MICAL3: variants seen among roughly 807,000 people sequenced by gnomAD.
The protein encoded by MICAL3 is microtubule associated monooxygenase, calponin and LIM domain containing 3.
A neutral mutation model predicts 207.4 loss-of-function variants in MICAL3; 62 were observed. The ratio of observed to expected loss-of-function variants is 0.30; its 90% confidence interval spans 0.24 to 0.37. The LOEUF is 0.37. Ranked by LOEUF, MICAL3 falls within the 10% of genes least tolerant of loss-of-function variation. The probability of loss-of-function intolerance (pLI) is 1.00; values close to 1 mark genes in which losing one functional copy is unlikely to be tolerated. For missense variants in MICAL3, 2,368 were observed against 2,635.6 expected, an observed-to-expected ratio of 0.90 and a Z score of 2.22; for synonymous variants, 1,077 against 1,069.3, an observed-to-expected ratio of 1.01 and a Z score of -0.14.
intron 1 of MICAL3, 57 bp downstream of exon 1, chr22:18,024,224 A>G (rs1326219604): frequency 2.6e-5 from 4 of 152,248 alleles, no homozygotes; most frequent in Non-Finnish European, 5.9e-5. Flanking sequence ...ATCCAGCAAA[A>G]CACATAACCT....
intron 20 of MICAL3, among the ~76,000 whole-genome samples, chr22:17,839,284 G>T (rs2146065871): frequency 1.1e-5 from 1 of 90,508 alleles, no homozygotes. Flanking sequence ...TTGAGACGAA[G>T]TCTCCCTCTG....
chr22:17,810,260 T>A (rs1026201478), intron 28 of MICAL3, among the ~76,000 whole-genome samples: 4 of 152,046 alleles, frequency 2.6e-5, no homozygotes, highest in Non-Finnish European at 5.9e-5. Context: ...GACGGGGGTT[T>A]CACCGTGTTA....
chr22:17,981,728 A>T (rs1195793166), intron 1 of MICAL3, among the ~76,000 whole-genome samples: 1 of 152,216 alleles, frequency 6.6e-6, no homozygotes, highest in Non-Finnish European at 1.5e-5. Flanking sequence ...GGCACAGGCG[A>T]TGCTAAGGTC....
chr22:17,863,112 C>T lies in MICAL3; in HGVS notation c.2605+1787G>A, dbSNP rs926907377. On this transcript the variant is annotated intron_variant, in intron 19 of 31. Coordinates refer to ENST00000441493, the MANE Select transcript of MICAL3 (RefSeq NM_015241.3). The stretch of plus-strand genomic sequence containing the variant: ...TGGAAAGCGTAATTCTTTAGAACTC[C>T]TAAAAACCTGAAACCCATTATACTT... The T allele has an allele frequency of 1.2e-5, 12 of 985,036 alleles. No individual in the cohort carries two copies. The East Asian group carries it at 1.2e-3, about 102-fold the overall frequency. 61.0% of individuals were successfully genotyped at this position (985,036 alleles called of 1,614,324 possible). A position where few individuals can be genotyped will look rare whatever the true frequency, so the allele number is the denominator to read the frequency against.
At chr22:17,896,035 G>A (rs1390676815) in intron 9 of MICAL3, among the ~76,000 whole-genome samples, 1 of 152,188 alleles carries the variant, frequency 6.6e-6, no homozygotes, top group Non-Finnish European at 1.5e-5. Context: ...ATCTTGGAAA[G>A]GAGTAAGAGA....
intron 19 of MICAL3, among the ~76,000 whole-genome samples, chr22:17,853,979 G>A (rs1448450210): frequency 6.6e-6 from 1 of 152,184 alleles, no homozygotes; most frequent in African/African-American, 2.4e-5. Flanking sequence ...GACAGGTCTG[G>A]AGGCCTGGGC....
chr22:17,821,818 G>C (rs1374408641), intron 24 of MICAL3, among the ~76,000 whole-genome samples: 2 of 152,224 alleles, frequency 1.3e-5, no homozygotes, highest in Non-Finnish European at 2.9e-5. Context: ...CCCAAACTAT[G>C]CAAGGAAAGG....
At chr22:17,981,174 T>C (rs954848337) in intron 1 of MICAL3, among the ~76,000 whole-genome samples, 1 of 152,108 alleles carries the variant, frequency 6.6e-6, no homozygotes, top group African/African-American at 2.4e-5. Flanking sequence ...AATAAATATA[T>C]ATCATAAAAT....
At chr22:17,891,423 TAGC>T in intron 12 of MICAL3, 59 bp downstream of exon 12, 5 of 1,481,106 alleles carry the variant, frequency 3.4e-6, no homozygotes, top group Admixed American at 1.7e-5. Flanking sequence ...TGTTACTTGA[TAGC>T]AGAGTGGTCT....
At chr22:17,970,109 T>C (rs1935332040) in intron 1 of MICAL3, among the ~76,000 whole-genome samples, 1 of 152,264 alleles carries the variant, frequency 6.6e-6, no homozygotes, top group African/African-American at 2.4e-5. Context: ...TGTGCCACTG[T>C]CCCCAGAGAA....
chr22:17,822,498 G>A (rs73876509), intron 23 of MICAL3, among the ~76,000 whole-genome samples: 5,796 of 152,254 alleles, frequency 0.038, 349 homozygotes, highest in African/African-American at 0.13. Context: ...CTGGCCTCAC[G>A]GGCCCACTTC....
At chr22:17,916,901 T>A (rs1932557165) in intron 1 of MICAL3, among the ~76,000 whole-genome samples, 1 of 152,230 alleles carries the variant, frequency 6.6e-6, no homozygotes, top group South Asian at 2.1e-4. Context: ...AGTTTCATAC[T>A]GTGATCTAGG....
At position 17,974,605 on chromosome 22, in the gene MICAL3, T is replaced by G. The variant is rs1404117055; in HGVS notation, c.-75+49676A>C. On this transcript the variant is annotated intron_variant, in intron 1 of 31. Coordinates refer to ENST00000441493, the MANE Select transcript of MICAL3 (RefSeq NM_015241.3). ...TGGGCATGGTGGCACGCACCTGTAA[T>G]TCCAGCTACTTGGGAGGCTGAGGCA... 2.0e-5 allele frequency among the ~76,000 whole-genome samples: 3 copies of G among 152,036 alleles called. No individual in the cohort carries two copies. The East Asian group carries it at 5.8e-4, about 29-fold the overall frequency.
At chr22:17,924,975 T>G (rs1932882553) in intron 1 of MICAL3, among the ~76,000 whole-genome samples, 1 of 152,122 alleles carries the variant, frequency 6.6e-6, no homozygotes, top group African/African-American at 2.4e-5. Context: ...CCCTGCAAAC[T>G]GGGTGCCAAC....
chr22:17,885,812 G>C, intron 16 of MICAL3, 66 bp downstream of exon 16: 1 of 1,532,316 alleles, frequency 6.5e-7, no homozygotes, highest in Non-Finnish European at 9.0e-7. Flanking sequence ...TCAATGGATG[G>C]AAAAGATCCC....
chr22:17,893,913 A>C lies in MICAL3; in HGVS notation c.1450-9T>G, dbSNP rs1480151906. 16 of 1,541,734 alleles carry C rather than the reference A, an allele frequency of 1.0e-5. No individual in the cohort carries two copies. The highest frequency in any genetic ancestry group is 1.4e-5 in the Non-Finnish European group (16 of 1,137,350). ...TCATATAAATGGCGCACCTGGCAGAAATTTACAAAGTCAAACAGAAAGAAA... is the reference window on the plus strand; with the variant it reads ...TCATATAAATGGCGCACCTGGCAGACATTTACAAAGTCAAACAGAAAGAAA... On this transcript the variant is annotated splice_polypyrimidine_tract_variant and intron_variant, in intron 10 of 31. Transcript: ENST00000441493.
rs1046130239 is a variant in MICAL3, at chr22:17,796,634, G to A, written c.5651-5333C>T. Among the ~76,000 whole-genome samples the A allele has an allele frequency of 6.6e-6, 1 of 152,224 alleles. No individual in the cohort carries two copies. The highest frequency in any genetic ancestry group is 1.5e-5 in the Non-Finnish European group (1 of 68,036). ...ATGCTGGCGTCTCAGGCAGCTCAAG[G>A]AAGAGCAGTCCCACAGACCCTGATC... On this transcript the variant is annotated intron_variant, in intron 29 of 31. Coordinates refer to ENST00000441493, the MANE Select transcript of MICAL3 (RefSeq NM_015241.3). The surrounding 1 kb of genome is among the most constrained non-coding windows in gnomAD (Gnocchi z 4.4).
intron 29 of MICAL3, among the ~76,000 whole-genome samples, chr22:17,797,308 C>T (rs1377987779): frequency 6.6e-6 from 1 of 152,096 alleles, no homozygotes; most frequent in South Asian, 2.1e-4. Flanking sequence ...CGAGACCAGC[C>T]TGGGCAATGC....
intron 21 of MICAL3, 144 bp downstream of exon 21, chr22:17,831,710 T>C: frequency 1.5e-6 from 2 of 1,333,696 alleles, no homozygotes; most frequent in East Asian, 2.5e-5. Flanking sequence ...CTGCCCCCCA[T>C]GTCTTATGTC....
Sources: gnomAD v4.1 joint callset for allele counts (sites outside exome capture counted in the v4.1 genomes callset) on GRCh38, gnomAD v4.1.1 for gene constraint, Gnocchi (gnomAD v3.1) non-coding constraint, MANE v1.5 for transcripts, NCBI Gene and HGNC (gene_info 2026-07-23, HGNC 2026-07-21) for gene names.